The following SNRPE variants were observed in gnomAD, a reference collection of about 807,000 sequenced individuals.
SNRPE encodes the protein small nuclear ribonucleoprotein polypeptide E.
For synonymous variants in SNRPE, 35 were observed against 36.7 expected (o/e 0.95, Z 0.17); for missense variants, 53 against 111.6 (o/e 0.48, Z 2.36).
chr1:203,861,997 A>AG (rs1375448476), intron 1 of SNRPE, 199 bp from the exon 2 acceptor site: 1 of 618,090 alleles, frequency 1.6e-6, no homozygotes, highest in Non-Finnish European at 2.9e-6. Flanking sequence ...GGGAAACTCC[A>AG]GGGGGATGAA....
chr1:203,866,905 C>T (rs1690098530), intron 4 of SNRPE, among the ~76,000 whole-genome samples: 1 of 151,670 alleles, frequency 6.6e-6, no homozygotes, highest in East Asian at 1.9e-4. Flanking sequence ...CAGATTTGCC[C>T]AACCATTAAT....
chr1:203,868,152 T>C (rs904975068), intron 4 of SNRPE, among the ~76,000 whole-genome samples: 1 of 152,056 alleles, frequency 6.6e-6, no homozygotes, highest in African/African-American at 2.4e-5. Flanking sequence ...GCCTCCCAGG[T>C]TCAAGCAATT....
At chr1:203,866,425 C>T (rs2103509220) in intron 4 of SNRPE, among the ~76,000 whole-genome samples, 1 of 152,308 alleles carries the variant, frequency 6.6e-6, no homozygotes, top group South Asian at 2.1e-4. Flanking sequence ...TCTGCCTAGG[C>T]ACTGGAGTAC....
intron 4 of SNRPE, among the ~76,000 whole-genome samples, chr1:203,867,907 T>C (rs994278080): frequency 4.6e-5 from 7 of 152,218 alleles, no homozygotes; most frequent in African/African-American, 1.7e-4. Flanking sequence ...AAAACCTTTA[T>C]TATTGAAATT....
intron 1 of SNRPE, 79 bp from the exon 2 acceptor site, chr1:203,862,117 G>A: frequency 3.5e-6 from 4 of 1,128,130 alleles, no homozygotes; most frequent in East Asian, 4.7e-5. Flanking sequence ...AAGGTGAGAC[G>A]GGAATAGCGT....
At chr1:203,865,452 G>A (rs9970496) in intron 4 of SNRPE, among the ~76,000 whole-genome samples, 13,659 of 152,186 alleles carry the variant, frequency 0.09, 867 homozygotes, top group Non-Finnish European at 0.13. Flanking sequence ...TGTCTGAGTG[G>A]CAGGAAAAAC....
intron 4 of SNRPE, among the ~76,000 whole-genome samples, chr1:203,868,896 T>G (rs192571423): frequency 1.3e-5 from 2 of 152,288 alleles, no homozygotes; most frequent in Admixed American, 1.3e-4. Context: ...TCTCGAATCC[T>G]AAGCTCAGGC....
chr1:203,865,243 T>A, intron 4 of SNRPE, 124 bp downstream of exon 4: 1 of 862,182 alleles, frequency 1.2e-6, no homozygotes, highest in Non-Finnish European at 1.8e-6. Context: ...TTCAGAGTAG[T>A]AGTACACTTT....
At position 203,867,610 on chromosome 1, in the gene SNRPE, A is replaced by C. The variant is rs114001014; in HGVS notation, c.224-2267A>C. Among the ~76,000 whole-genome samples the C allele has an allele frequency of 7.0e-3, 1,062 of 152,194 alleles. 18 individuals carry two copies. The highest frequency in any genetic ancestry group is 0.025 in the African/African-American group (1,022 of 41,530). ...CTAGATCCCTCTTTGCCCGGTTCAC[A>C]ATAGGTTTTGCGCTCCTATGAGAAT... On this transcript the variant is annotated intron_variant, in intron 4 of 4. Coordinates refer to ENST00000414487, the MANE Select transcript of SNRPE (RefSeq NM_003094.4).
Position 203,863,532 on chromosome 1 carries a change from G to GT in SNRPE, c.82-131_82-130insT, listed in dbSNP as rs1690020740. 36 of 661,188 alleles carry GT rather than the reference G, an allele frequency of 5.4e-5. No individual in the cohort carries two copies. The Admixed American group carries it at 8.3e-4, about 15-fold the overall frequency. The allele number at this position is 661,188 out of a possible 1,614,324, so 41.0% of individuals were successfully genotyped here. ...GATGGGGTTTCACCATGTTAACGAG[G>GT]ATGGTCTCTATCTCTTGACCTTGTG... is the stretch of plus-strand genomic sequence containing the variant. On this transcript the variant is annotated intron_variant, in intron 2 of 4. Coordinates refer to ENST00000414487, the MANE Select transcript of SNRPE (RefSeq NM_003094.4).
intron 4 of SNRPE, among the ~76,000 whole-genome samples, chr1:203,867,869 G>A (rs1182422184): frequency 1.3e-5 from 2 of 152,024 alleles, no homozygotes; most frequent in African/African-American, 2.4e-5. Flanking sequence ...GGGGGAAGGC[G>A]GGATTATGTG....
chr1:203,864,438 A>AT (rs11419311), intron 3 of SNRPE, among the ~76,000 whole-genome samples: 99,636 of 148,870 alleles, frequency 0.67, 33,332 homozygotes, highest in East Asian at 0.8. Context: ...GCTACCCTAA[A>AT]TTTTTTTTTT....
At chr1:203,862,341 T>C (rs768486021) in intron 2 of SNRPE, 119 bp downstream of exon 2, 56 of 753,980 alleles carry the variant, frequency 7.4e-5, no homozygotes, top group Non-Finnish European at 1.2e-4. Context: ...TAACTGGAGA[T>C]TGGAGGGTAA....
chr1:203,869,393 G>A (rs1358770626), intron 4 of SNRPE, among the ~76,000 whole-genome samples: 11 of 138,384 alleles, frequency 7.9e-5, no homozygotes, highest in African/African-American at 2.4e-4. Flanking sequence ...TGCAACCTCC[G>A]CCTCCCGGAT....
intron 3 of SNRPE, 123 bp from the exon 4 acceptor site, chr1:203,864,913 AGGTGG>A (rs1690058078): frequency 1.7e-6 from 1 of 581,460 alleles, no homozygotes; most frequent in Non-Finnish European, 2.5e-6. Context: ...TTTGGGTGGA[AGGTGG>A]GGTGGGGCTT....
intron 2 of SNRPE, among the ~76,000 whole-genome samples, chr1:203,863,269 G>T (rs571058681): frequency 9.9e-5 from 15 of 152,052 alleles, no homozygotes; most frequent in Admixed American, 9.2e-4. Flanking sequence ...GAATTATTCC[G>T]CTTTGGCATC....
chr1:203,868,290 A>G (rs1690135217), intron 4 of SNRPE, among the ~76,000 whole-genome samples: 1 of 152,082 alleles, frequency 6.6e-6, no homozygotes, highest in Admixed American at 6.5e-5. Context: ...TTCTGAGCTC[A>G]GGCAATCCAC....
intron 2 of SNRPE, 93 bp from the exon 3 acceptor site, chr1:203,863,570 C>T (rs1037745484): frequency 1.6e-5 from 13 of 815,554 alleles, no homozygotes; most frequent in African/African-American, 1.5e-4. Flanking sequence ...CCACCTCCCT[C>T]GGCCTCCGAA....
At chr1:203,869,049 C>G (rs1358194474) in intron 4 of SNRPE, among the ~76,000 whole-genome samples, 1 of 152,144 alleles carries the variant, frequency 6.6e-6, no homozygotes, top group Admixed American at 6.5e-5. Context: ...AAATTATTTA[C>G]CAACTGTTGA....
Sources: allele counts gnomAD v4.1 joint callset (sites outside exome capture counted in the v4.1 genomes callset), GRCh38; gene constraint gnomAD v4.1.1; transcripts MANE v1.5; gene names NCBI Gene and HGNC (gene_info 2026-07-23, HGNC 2026-07-21).